Variants in NSD2 observed in about 807,000 individuals in gnomAD.
The protein encoded by NSD2 is nuclear receptor binding SET domain protein 2, also known as histone-lysine N-methyltransferase NSD2.
Under a neutral mutation model 139.0 loss-of-function variants are expected in NSD2, and 12 were observed. The ratio of observed to expected loss-of-function variants is 0.09; its 90% confidence interval spans 0.06 to 0.14. NSD2 has a LOEUF of 0.14. Ranked by LOEUF, NSD2 falls within the 10% of genes least tolerant of loss-of-function variation. The probability of loss-of-function intolerance (pLI) is 1.00; values close to 1 mark genes in which losing one functional copy is unlikely to be tolerated. For synonymous variants in NSD2, 669 were observed against 648.7 expected (o/e 1.03, Z -0.48); for missense variants, 1,155 against 1,745.0 (o/e 0.66, Z 6.02).
Position 1,900,823 on chromosome 4 carries a change from C to T in NSD2, c.169C>T (p.Leu57=), listed in dbSNP as rs546522074. The T allele has an allele frequency of 1.5e-5, 25 of 1,614,060 alleles. No individual in the cohort carries two copies. The highest frequency in any genetic ancestry group is 1.5e-4 in the African/African-American group (11 of 75,022). ...CAGCAAAGCCCAGCTCTCCAGTAGC[C>T]TGCAGGAGGGGGTCATGCAGAAGTT... ...FLSKAQLSSS[L]QEGVMQKFNG... is the part of the protein sequence containing the mutation. The change falls in exon 2 of 22, where the codon CTG becomes TTG. Residue 57 remains leucine (L), a synonymous_variant. Coordinates refer to ENST00000508803, the MANE Select transcript of NSD2 (RefSeq NM_001042424.3).
At position 1,974,570 on chromosome 4, in the gene NSD2, C is replaced by G. The variant is rs1726858708; in HGVS notation, c.3373-293C>G. Reference sequence around the variant, plus strand: ...ACTTGGCTAGGCTGTTGCTGCTGACCTTAGCTCCCTTGTTTGCCATCATGG... The same window carrying G: ...ACTTGGCTAGGCTGTTGCTGCTGACGTTAGCTCCCTTGTTTGCCATCATGG... On this transcript the variant is annotated intron_variant, in intron 18 of 21. Coordinates refer to ENST00000508803, the MANE Select transcript of NSD2 (RefSeq NM_001042424.3). This position sits in a 1 kb window ranked among gnomAD's most constrained non-coding sequence, Gnocchi z 4.0. The G allele has an allele frequency of 5.7e-6, 3 of 522,686 alleles. No homozygotes were observed. Among genetic ancestry groups the G allele is most frequent in the African/African-American group, 1.9e-5 (1 of 52,686 alleles). The allele number at this position is 522,686 out of a possible 1,614,324, so 32.4% of individuals were successfully genotyped here.
intron 1 of NSD2, among the ~76,000 whole-genome samples, chr4:1,873,468 A>G (rs1413468590): frequency 6.6e-6 from 1 of 152,214 alleles, no homozygotes; most frequent in Non-Finnish European, 1.5e-5. Context: ...GTTTCTATGC[A>G]ATCAGCTTAT....
At chr4:1,923,708 C>T (rs1039446557) in intron 5 of NSD2, among the ~76,000 whole-genome samples, 2 of 152,114 alleles carry the variant, frequency 1.3e-5, no homozygotes, top group Admixed American at 6.6e-5. Flanking sequence ...CAGTTTTACT[C>T]CTAGATATTT....
At chr4:1,915,917 C>T (rs1353190794) in intron 3 of NSD2, among the ~76,000 whole-genome samples, 1 of 152,184 alleles carries the variant, frequency 6.6e-6, no homozygotes, top group Non-Finnish European at 1.5e-5. Context: ...GAGATCTGAC[C>T]TTTTAACCTG....
At chr4:1,890,141 A>G (rs908109522) in intron 1 of NSD2, among the ~76,000 whole-genome samples, 2 of 152,226 alleles carry the variant, frequency 1.3e-5, no homozygotes, top group Non-Finnish European at 2.9e-5. Flanking sequence ...GTTGTAGCAT[A>G]AATCAGGACG....
chr4:1,916,991 G>C lies in NSD2; in HGVS notation c.881G>C (p.Cys294Ser). 3.7e-6 allele frequency: 6 copies of C among 1,614,078 alleles called. No homozygotes were observed. The highest frequency in any genetic ancestry group is 5.1e-6 in the Non-Finnish European group (6 of 1,179,980). Reference sequence around the variant, plus strand: ...GGAGAAGGACAGTTTGAAAAATTATGCCAGGAAAGTGCCAAGCAGGCACCC... The same window carrying C: ...GGAGAAGGACAGTTTGAAAAATTATCCCAGGAAAGTGCCAAGCAGGCACCC... The part of the protein sequence containing the change: ...FEGEGQFEKL[C>S]QESAKQAPTK... The change falls in exon 4 of 22, where the codon TGC becomes TCC. Residue 294 changes from cysteine (C) to serine (S), a missense_variant. Around this residue, in one of 8 missense-constraint regions of NSD2, gnomAD observed 420 missense variants for 469.0 expected, o/e 0.90. Transcript: ENST00000508803.
Position 1,980,358 on chromosome 4 carries a change from G to C in NSD2, c.*1449G>C, listed in dbSNP as rs1727636291. On this transcript the variant is annotated 3_prime_UTR_variant, in exon 22 of 22. Transcript: ENST00000508803. ...TGTGCCTTTGCCCACGTGTCCTGAG[G>C]GGCTGCTTGTCTGGGAGGGAGGGAG... 1 of 233,136 alleles carries C rather than the reference G, an allele frequency of 4.3e-6. No homozygotes were observed. Among genetic ancestry groups the C allele is most frequent in the South Asian group, 1.8e-4 (1 of 5,532 alleles). 14.4% of individuals were successfully genotyped at this position (233,136 alleles called of 1,614,324 possible).
intron 3 of NSD2, among the ~76,000 whole-genome samples, chr4:1,909,064 T>G (rs893013337): frequency 3.2e-4 from 48 of 151,704 alleles, no homozygotes; most frequent in African/African-American, 1.1e-3. Flanking sequence ...AATGAGCTCC[T>G]CCCTAAAAAA....
At chr4:1,922,064 C>T (rs1720215188) in intron 5 of NSD2, among the ~76,000 whole-genome samples, 1 of 152,152 alleles carries the variant, frequency 6.6e-6, no homozygotes. Context: ...AAGAGAATTG[C>T]TGGAACCTGG....
intron 8 of NSD2, 184 bp from the exon 9 acceptor site, chr4:1,939,470 A>G: frequency 3.0e-6 from 2 of 671,810 alleles, no homozygotes; most frequent in Non-Finnish European, 5.0e-6. Context: ...CATGGGGTTC[A>G]TTGTACAGTT....
chr4:1,952,873 G>T (rs1006919424), intron 11 of NSD2: 2 of 1,336,890 alleles, frequency 1.5e-6, no homozygotes, highest in Non-Finnish European at 1.9e-6. Flanking sequence ...ACACTTCCTG[G>T]GTCAGGAAGA....
chr4:1,877,943 C>A (rs1714380859), intron 1 of NSD2, among the ~76,000 whole-genome samples: 1 of 152,214 alleles, frequency 6.6e-6, no homozygotes, highest in East Asian at 1.9e-4. Context: ...ACGAGAGGAT[C>A]ACTCCAGCCC....
chr4:1,907,988 A>G (rs1013193290), intron 3 of NSD2, among the ~76,000 whole-genome samples: 4 of 152,164 alleles, frequency 2.6e-5, no homozygotes, highest in Non-Finnish European at 4.4e-5. Context: ...CAGTTTCCTT[A>G]TTGACTCAGC....
rs187784764 is a variant in NSD2, at chr4:1,957,643, G to A, written c.2882-290G>A. Among the ~76,000 whole-genome samples the A allele has an allele frequency of 1.5e-4, 23 of 152,166 alleles. No individual in the cohort carries two copies. In the East Asian group the frequency reaches 4.1e-3, roughly 27 times the overall value. On this transcript the variant is annotated intron_variant, in intron 15 of 21. Transcript: ENST00000508803. ...CAGCAAGTCCCAGGCTTTGACCCTG[G>A]TGCTTTGTCCTTAGGCCATAGTGGA... is the stretch of plus-strand genomic sequence containing the variant.
chr4:1,978,489 T>A, intron 21 of NSD2, 149 bp from the exon 22 acceptor site: 1 of 1,150,134 alleles, frequency 8.7e-7, no homozygotes, highest in Non-Finnish European at 1.2e-6. Flanking sequence ...CGGGCTGTGG[T>A]AGACAGTTTG....
At chr4:1,910,978 T>C (rs939530146) in intron 3 of NSD2, among the ~76,000 whole-genome samples, 2 of 152,170 alleles carry the variant, frequency 1.3e-5, no homozygotes, top group African/African-American at 4.8e-5. Flanking sequence ...CCTGGCCTTG[T>C]CTGCATCTTT....
At chr4:1,960,696 T>C (rs1416590669) in intron 17 of NSD2, among the ~76,000 whole-genome samples, 2 of 152,226 alleles carry the variant, frequency 1.3e-5, no homozygotes. Flanking sequence ...TCAGATACTT[T>C]GTAGCCATTT....
chr4:1,925,781 TG>T lies in NSD2; in HGVS notation c.1411-4844del, dbSNP rs1301155281. On this transcript the variant is annotated intron_variant, in intron 5 of 21. Transcript: ENST00000508803. ...ATATATCTATATATATATTTTTTTT[TG>T]TTTGTTTGTTTGTTTGTTTGTTTTT... 6.9e-4 allele frequency among the ~76,000 whole-genome samples: 98 copies of T among 142,996 alleles called. 1 individual carries two copies. Among genetic ancestry groups the T allele is most frequent in the South Asian group, 4.7e-3 (21 of 4,486 alleles). The allele number at this position is 142,996 out of a possible 152,430, so 93.8% of individuals were successfully genotyped here. A position where few individuals can be genotyped will look rare whatever the true frequency, so the allele number is the denominator to read the frequency against.
Position 1,957,916 on chromosome 4 carries a change from T to C in NSD2, c.2882-17T>C. The C allele has an allele frequency of 6.2e-7, 1 of 1,612,266 alleles. No individual in the cohort carries two copies. Among genetic ancestry groups the C allele is most frequent in the Non-Finnish European group, 8.5e-7 (1 of 1,178,766 alleles). On this transcript the variant is annotated splice_polypyrimidine_tract_variant and intron_variant, in intron 15 of 21. Coordinates refer to ENST00000508803, the MANE Select transcript of NSD2 (RefSeq NM_001042424.3). ...GTATTTACTAAAATCTTTACTCCTA[T>C]TTCATTGACTTTTTAGCACTGCAAG... is the stretch of plus-strand genomic sequence containing the variant.
Sources: allele counts gnomAD v4.1 joint callset (sites outside exome capture counted in the v4.1 genomes callset), GRCh38; gene constraint gnomAD v4.1.1; regional missense constraint gnomAD v4.1.1; non-coding constraint Gnocchi (gnomAD v3.1); transcripts MANE v1.5; gene names NCBI Gene and HGNC (gene_info 2026-07-23, HGNC 2026-07-21).